The following CACNA1A variants were observed in gnomAD, a reference collection of about 807,000 sequenced individuals.
The protein encoded by CACNA1A is calcium voltage-gated channel subunit alpha1 A, also known as voltage-dependent P/Q-type calcium channel subunit alpha-1A.
In CACNA1A, 57 loss-of-function variants were observed where a neutral mutation model predicts 262.4. The ratio of observed to expected loss-of-function variants is 0.22; its 90% CI spans 0.18 to 0.27. CACNA1A has a LOEUF of 0.27. CACNA1A is among the 10% of genes least tolerant of loss of function. The pLI is 1.00. For synonymous variants in CACNA1A, 1,431 were observed against 1,419.3 expected (o/e 1.01, Z -0.18); for missense variants, 2,526 against 3,562.8 (o/e 0.71, Z 7.41).
At chr19:13,455,076 G>T (rs1454682720) in intron 2 of CACNA1A, 31 bp downstream of exon 2, 2 of 1,372,940 alleles carry the variant, frequency 1.5e-6, no homozygotes, top group African/African-American at 2.9e-5. Context: ...CTAAAGCCAA[G>T]GAGAAGACCC....
intron 10 of CACNA1A, among the ~76,000 whole-genome samples, chr19:13,320,277 A>G (rs1440125492): frequency 2.0e-5 from 3 of 150,380 alleles, no homozygotes; most frequent in Admixed American, 6.6e-5. Context: ...AGAGAGAGAA[A>G]CCACAGCAGG....
At chr19:13,258,595 G>C (rs957782228) in intron 27 of CACNA1A, 1 of 152,246 alleles carries the variant, frequency 6.6e-6, no homozygotes. Flanking sequence ...TTTGCTCAAA[G>C]GTGCCTTGTG....
At chr19:13,439,748 G>C (rs1036673596) in intron 3 of CACNA1A, among the ~76,000 whole-genome samples, 1 of 151,820 alleles carries the variant, frequency 6.6e-6, no homozygotes, top group African/African-American at 2.4e-5. Flanking sequence ...AACACTGACC[G>C]GCTATCTTAG....
chr19:13,446,104 G>A (rs568458775), intron 3 of CACNA1A, among the ~76,000 whole-genome samples: 9 of 151,918 alleles, frequency 5.9e-5, no homozygotes, highest in South Asian at 4.2e-4. Flanking sequence ...GTGAAACCCC[G>A]TCTCTACTAA....
At chr19:13,504,386 ACTT>A (rs748903160) in intron 1 of CACNA1A, among the ~76,000 whole-genome samples, 25 of 152,130 alleles carry the variant, frequency 1.6e-4, no homozygotes, top group East Asian at 9.7e-4. Flanking sequence ...CCTCTGCTGA[ACTT>A]CTTAATTTTC....
intron 7 of CACNA1A, 104 bp from the exon 8 acceptor site, chr19:13,334,597 G>GTGTGTGTGTGTGTGGGTGTGTGTGTT (rs2058529467): frequency 5.2e-6 from 1 of 193,716 alleles, no homozygotes; most frequent in Non-Finnish European, 1.0e-5. Context: ...GTGTGTTTGT[G>GTGTGTGTGTGTGTGGGTGTGTGTGTT]TGTGTGTGTG....
intron 6 of CACNA1A, among the ~76,000 whole-genome samples, chr19:13,340,461 C>G (rs2058659526): frequency 7.2e-6 from 1 of 139,208 alleles, no homozygotes; most frequent in East Asian, 2.1e-4. Flanking sequence ...GAGTCTCACT[C>G]TGTCACCCAG....
At chr19:13,297,683 G>A (rs903621240) in intron 19 of CACNA1A, among the ~76,000 whole-genome samples, 3 of 152,124 alleles carry the variant, frequency 2.0e-5, no homozygotes, top group Non-Finnish European at 2.9e-5. Context: ...CCAGGCATGT[G>A]GCACATGTCT....
At chr19:13,387,387 T>C (rs1393805920) in intron 3 of CACNA1A, among the ~76,000 whole-genome samples, 1 of 152,252 alleles carries the variant, frequency 6.6e-6, no homozygotes, top group Non-Finnish European at 1.5e-5. Context: ...CATTTTATGC[T>C]GCTTACCAGG....
At chr19:13,426,876 T>C (rs1384402334) in intron 3 of CACNA1A, among the ~76,000 whole-genome samples, 1 of 152,234 alleles carries the variant, frequency 6.6e-6, no homozygotes, top group Non-Finnish European at 1.5e-5. Flanking sequence ...GTCCTCTCTC[T>C]GCCTGAGCCT....
intron 3 of CACNA1A, among the ~76,000 whole-genome samples, chr19:13,428,343 G>T (rs140282276): frequency 6.6e-6 from 1 of 152,334 alleles, no homozygotes; most frequent in African/African-American, 2.4e-5. Flanking sequence ...TTAGGCTGAT[G>T]AGTGCAATGC....
intron 3 of CACNA1A, among the ~76,000 whole-genome samples, chr19:13,375,122 C>T (rs978005679): frequency 6.6e-6 from 1 of 152,142 alleles, no homozygotes; most frequent in African/African-American, 2.4e-5. Flanking sequence ...GTCTCTGTGT[C>T]ACACTCTGGT....
At chr19:13,481,926 C>T (rs554956682) in intron 1 of CACNA1A, among the ~76,000 whole-genome samples, 6 of 152,164 alleles carry the variant, frequency 3.9e-5, no homozygotes, top group Non-Finnish European at 7.4e-5. Context: ...TTGCCAGGGG[C>T]ACAGACTGCC....
intron 3 of CACNA1A, among the ~76,000 whole-genome samples, chr19:13,413,322 G>A (rs867866340): frequency 2.0e-5 from 3 of 151,060 alleles, no homozygotes; most frequent in South Asian, 2.1e-4. Context: ...TAGCCAGGAT[G>A]GTCTCAATCT....
chr19:13,237,908 A>T (rs780746414), intron 31 of CACNA1A, among the ~76,000 whole-genome samples: 9 of 152,176 alleles, frequency 5.9e-5, no homozygotes, highest in Non-Finnish European at 1.2e-4. Flanking sequence ...GGACTCGGCC[A>T]GGCATGCGAA....
chr19:13,401,660 C>T (rs1160807922), intron 3 of CACNA1A, among the ~76,000 whole-genome samples: 1 of 152,152 alleles, frequency 6.6e-6, no homozygotes, highest in Non-Finnish European at 1.5e-5. Context: ...GTACCTCCCA[C>T]TCCACTTTCC....
chr19:13,241,656 G>T lies in CACNA1A; in HGVS notation c.4950+3526C>A. The T allele has an allele frequency of 1.5e-6, 1 of 661,828 alleles. No individual in the cohort carries two copies. Among genetic ancestry groups the T allele is most frequent in the Non-Finnish European group, 2.8e-6 (1 of 362,172 alleles). 41.0% of individuals were successfully genotyped at this position (661,828 alleles called of 1,614,324 possible). On this transcript the variant is annotated intron_variant, in intron 31 of 46. Coordinates refer to ENST00000360228, the MANE Select transcript of CACNA1A (RefSeq NM_001127222.2). The surrounding 1 kb of genome is among the most constrained non-coding windows in gnomAD (Gnocchi z 4.0). ...ATGGGTTTCGGTTCCCGGGCGGGGA[G>T]TGGGGGTGGTGGTGGCGGTGGGTTG...
intron 29 of CACNA1A, among the ~76,000 whole-genome samples, chr19:13,254,126 G>A (rs926758985): frequency 6.6e-5 from 10 of 152,164 alleles, no homozygotes; most frequent in African/African-American, 2.4e-4. Flanking sequence ...TCTGGAGGGG[G>A]CAAATGTGCT....
chr19:13,393,657 T>C (rs893382311), intron 3 of CACNA1A, among the ~76,000 whole-genome samples: 6 of 149,618 alleles, frequency 4.0e-5, no homozygotes, highest in African/African-American at 1.5e-4. Context: ...TTTCTCTGTC[T>C]TCCTCTTTTC....
Sources: allele counts gnomAD v4.1 joint callset (sites outside exome capture counted in the v4.1 genomes callset), GRCh38; gene constraint gnomAD v4.1.1; non-coding constraint Gnocchi (gnomAD v3.1); transcripts MANE v1.5; gene names NCBI Gene and HGNC (gene_info 2026-07-23, HGNC 2026-07-21).